SERPINE2: variants seen among roughly 807,000 people sequenced by gnomAD.
The protein encoded by SERPINE2 is serpin family E member 2, also known as glia-derived nexin.
In SERPINE2, 14 loss-of-function variants were observed where a neutral mutation model predicts 36.3. The observed-to-expected ratio is 0.39, with a 90% CI of 0.25 to 0.60. SERPINE2 has a LOEUF of 0.60. Among genes scored for constraint, SERPINE2 ranks in the 20% least tolerant of loss-of-function variants. The pLI is 0.57. For missense variants in SERPINE2, 418 were observed against 499.6 expected, an observed-to-expected ratio of 0.84 and a Z score of 1.56; for synonymous variants, 192 against 191.8, an observed-to-expected ratio of 1.00 and a Z score of -0.01.
At chr2:224,006,339 C>CT (rs1453290099) in intron 1 of SERPINE2, among the ~76,000 whole-genome samples, 2 of 152,308 alleles carry the variant, frequency 1.3e-5, no homozygotes, top group East Asian at 3.9e-4. Context: ...CAACTCTTCT[C>CT]TTTTTCAAGA....
At chr2:224,020,544 G>A (rs993786842) in intron 1 of SERPINE2, among the ~76,000 whole-genome samples, 17 of 152,150 alleles carry the variant, frequency 1.1e-4, no homozygotes, top group African/African-American at 3.9e-4. Flanking sequence ...ATAATATGCT[G>A]CTGAGCTTGG....
chr2:224,038,192 T>C (rs546987919), intron 1 of SERPINE2, among the ~76,000 whole-genome samples: 2 of 152,334 alleles, frequency 1.3e-5, no homozygotes, highest in South Asian at 2.1e-4. Flanking sequence ...AAACGGCTTC[T>C]TGGCTTGAAA....
intron 1 of SERPINE2, among the ~76,000 whole-genome samples, chr2:224,020,242 T>C (rs1168652542): frequency 2.6e-5 from 4 of 152,304 alleles, no homozygotes; most frequent in Admixed American, 2.0e-4. Flanking sequence ...CTTAGCCTCC[T>C]GCATCAGTAT....
At chr2:223,987,793 A>G (rs887663030) in intron 4 of SERPINE2, among the ~76,000 whole-genome samples, 3 of 152,190 alleles carry the variant, frequency 2.0e-5, no homozygotes, top group African/African-American at 7.2e-5. Flanking sequence ...AAGTGCTACT[A>G]GGGAAGACGT....
At position 223,991,812 on chromosome 2, in the gene SERPINE2, A is replaced by G. The variant is rs760240429; in HGVS notation, c.676T>C (p.Phe226Leu). The G allele has an allele frequency of 1.2e-6, 2 of 1,613,900 alleles. No individual in the cohort carries two copies. Among genetic ancestry groups the G allele is most frequent in the Middle Eastern group, 1.7e-4 (1 of 5,846 alleles). Residue 226 changes from phenylalanine (F) to leucine (L), a missense_variant, in exon 4 of 9, where the codon TTC (phenylalanine) becomes CTC (leucine). By Grantham distance (22) the Phe-to-Leu change is conservative. Coordinates refer to ENST00000409304, the MANE Select transcript of SERPINE2 (RefSeq NM_001136528.2). ...QVPMLAQLSVFRCGSTSAPND... is the reference protein window; with the variant it reads ...QVPMLAQLSVLRCGSTSAPND... ...CTGAGCATGAACTCACCACACCGGA[A>G]CACGGAGAGCTGGGCCAGCATTGGC...
rs541365483 is a variant in SERPINE2, at chr2:223,999,623, C to T, written c.260-1281G>A. ...CCCATTCTACAAGTAAGAAAACGGC[C>T]GGCTTTGGAGGCTGAAAGACAATTC... On this transcript the variant is annotated intron_variant, in intron 2 of 8. Coordinates refer to ENST00000409304, the MANE Select transcript of SERPINE2 (RefSeq NM_001136528.2). Among the ~76,000 whole-genome samples, 8 of 152,296 alleles carry T rather than the reference C, an allele frequency of 5.3e-5. No homozygotes were observed. The East Asian group carries it at 5.8e-4, about 11-fold the overall frequency.
Position 223,975,805 on chromosome 2 carries a change from GA to G in SERPINE2, c.*61del. The G allele has an allele frequency of 2.3e-6, 3 of 1,330,434 alleles. No homozygotes were observed. The highest frequency in any genetic ancestry group is 2.1e-6 in the Non-Finnish European group (2 of 955,614). 82.4% of individuals were successfully genotyped at this position (1,330,434 alleles called of 1,614,324 possible). Reference sequence around the variant, plus strand: ...TTTAACAGAACTATGAAAGATGCAGGAAAGGAGTCTTTCTTCGTAGCAAAGT... The same window carrying G: ...TTTAACAGAACTATGAAAGATGCAGGAAGGAGTCTTTCTTCGTAGCAAAGT... On this transcript the variant is annotated 3_prime_UTR_variant, in exon 9 of 9. Transcript: ENST00000409304.
chr2:224,003,015 C>T (rs1020645612), intron 1 of SERPINE2, among the ~76,000 whole-genome samples: 1 of 151,856 alleles, frequency 6.6e-6, no homozygotes, highest in African/African-American at 2.4e-5. Context: ...TGATAAAATA[C>T]AGGGATGCGA....
chr2:224,030,789 C>T (rs569678275), intron 1 of SERPINE2: 2 of 186,794 alleles, frequency 1.1e-5, no homozygotes, highest in Non-Finnish European at 2.0e-5. Context: ...TCATGGCACA[C>T]TTGTTCTGTG....
At chr2:224,030,000 G>T in intron 1 of SERPINE2, 1 of 934,296 alleles carries the variant, frequency 1.1e-6, no homozygotes, top group Non-Finnish European at 1.3e-6. Context: ...GACATGTCTG[G>T]CCCTGCATAG....
At chr2:223,988,897 C>T (rs953608561) in intron 4 of SERPINE2, among the ~76,000 whole-genome samples, 9 of 152,174 alleles carry the variant, frequency 5.9e-5, no homozygotes, top group Admixed American at 1.3e-4. Flanking sequence ...AAGTTGTCCA[C>T]TCTCTAATGA....
intron 8 of SERPINE2, among the ~76,000 whole-genome samples, chr2:223,976,600 T>C (rs1247788202): frequency 6.6e-6 from 1 of 152,214 alleles, no homozygotes; most frequent in African/African-American, 2.4e-5. Flanking sequence ...ACTGATTAAA[T>C]AAAATAGTAA....
chr2:224,019,009 C>T lies in SERPINE2; in HGVS notation c.-22-17087G>A, dbSNP rs189200321. Among the ~76,000 whole-genome samples the T allele has an allele frequency of 3.7e-3, 565 of 152,250 alleles. 3 individuals are homozygous for T. The highest frequency in any genetic ancestry group is 7.6e-3 in the Admixed American group (116 of 15,290). ...TCCATGCTCTTGCAAGAAAATTCAG[C>T]ACCCTCTCTCCATAGGCTCTGAGTC... On this transcript the variant is annotated intron_variant, in intron 1 of 8. Transcript: ENST00000409304.
chr2:224,006,989 T>G (rs1443373586), intron 1 of SERPINE2, among the ~76,000 whole-genome samples: 3 of 152,190 alleles, frequency 2.0e-5, no homozygotes, highest in Non-Finnish European at 1.5e-5. Flanking sequence ...TGAGCACCTG[T>G]GACGAGACCC....
intron 1 of SERPINE2, among the ~76,000 whole-genome samples, chr2:224,016,619 A>G (rs1691808769): frequency 6.6e-6 from 1 of 152,180 alleles, no homozygotes; most frequent in African/African-American, 2.4e-5. Context: ...TAATCCAGCA[A>G]TGCTGGACAT....
intron 1 of SERPINE2, among the ~76,000 whole-genome samples, chr2:224,002,621 T>C (rs1441853160): frequency 6.6e-6 from 1 of 151,766 alleles, no homozygotes; most frequent in Non-Finnish European, 1.5e-5. Context: ...GCTTCCTGAA[T>C]ATGTGGGATT....
chr2:223,996,262 C>T (rs1440474938), intron 3 of SERPINE2, among the ~76,000 whole-genome samples: 4 of 152,148 alleles, frequency 2.6e-5, no homozygotes, highest in African/African-American at 9.7e-5. Context: ...AGCCTCCAGC[C>T]ACAGAGTCAG....
At chr2:224,019,750 CT>C (rs754495536) in intron 1 of SERPINE2, among the ~76,000 whole-genome samples, 13 of 58,232 alleles carry the variant, frequency 2.2e-4, no homozygotes, top group East Asian at 1.6e-3. Context: ...TTGAGGAAGT[CT>C]TTTTTTTTTT....
At position 224,001,836 on chromosome 2, in the gene SERPINE2, A is replaced by C. The variant is rs749069197; in HGVS notation, c.65T>G (p.Phe22Cys). 5 of 1,614,154 alleles carry C rather than the reference A, an allele frequency of 3.1e-6. No individual in the cohort carries two copies. The highest frequency in any genetic ancestry group is 3.4e-6 in the Non-Finnish European group (4 of 1,180,024). Residue 22 changes from phenylalanine to cysteine, a missense_variant, in exon 2 of 9, where the codon TTC (phenylalanine) becomes TGC (cysteine). By Grantham distance (205) the Phe-to-Cys change is radical (BLOSUM62 -2). Coordinates refer to ENST00000409304, the MANE Select transcript of SERPINE2 (RefSeq NM_001136528.2). ...TAGTTCCTCGAGAGACAGAGGATTG[A>C]AGTGGGAGCAGATGGAAGGCAGCGT... Reference protein sequence around the residue: ...SVTLPSICSHFNPLSLEELGS... With the variant: ...SVTLPSICSHCNPLSLEELGS...
Sources: allele counts gnomAD v4.1 joint callset (sites outside exome capture counted in the v4.1 genomes callset), GRCh38; gene constraint gnomAD v4.1.1; transcripts MANE v1.5; gene names NCBI Gene and HGNC (gene_info 2026-07-23, HGNC 2026-07-21).